WWOX: variants seen among roughly 807,000 people sequenced by gnomAD.
WWOX encodes the protein WW domain containing oxidoreductase.
Under a neutral mutation model 46.2 loss-of-function variants are expected in WWOX, and 69 were observed. That is an observed-to-expected ratio of 1.49 (90% CI 1.23 to 1.82). The LOEUF (loss-of-function observed/expected upper bound fraction) is 1.82, where lower values mean the gene tolerates loss of function less well. WWOX is among the 40% of genes most tolerant of loss of function. The probability of loss-of-function intolerance (pLI) is 0.00; values close to 1 mark genes in which losing one functional copy is unlikely to be tolerated. For synonymous variants in WWOX, 359 were observed against 202.6 expected (o/e 1.77, Z -6.56); for missense variants, 919 against 542.6 (o/e 1.69, Z -6.89).
At chr16:78,567,406 AG>A (rs2044596923) in intron 8 of WWOX, among the ~76,000 whole-genome samples, 1 of 151,282 alleles carries the variant, frequency 6.6e-6, no homozygotes, top group Admixed American at 6.6e-5. Flanking sequence ...AAAAAAAATT[AG>A]CCCGGCGTGG....
intron 8 of WWOX, among the ~76,000 whole-genome samples, chr16:78,645,108 C>T (rs144230412): frequency 6.6e-6 from 1 of 152,120 alleles, no homozygotes; most frequent in Non-Finnish European, 1.5e-5. Flanking sequence ...AAGCAATATA[C>T]AATCTAGTTA....
chr16:78,702,007 TTATATATATATATATATATATA>T lies in WWOX; in HGVS notation c.1056+269272_1056+269293del, dbSNP rs869227421. Among the ~76,000 whole-genome samples, 17 of 57,626 alleles carry T rather than the reference TTATATATATATATATATATATA, an allele frequency of 3.0e-4. 1 individual carries two copies. Among genetic ancestry groups the T allele is most frequent in the Admixed American group, 5.7e-4 (2 of 3,502 alleles). 37.8% of individuals were successfully genotyped at this position (57,626 alleles called of 152,430 possible). On this transcript the variant is annotated intron_variant, in intron 8 of 8. Transcript: ENST00000566780. ...GGAGACTAGCCTGGGCTACATAAAA[TTATATATATATATATATATATA>T]TATATATATATATATAAAATAATGC...
intron 8 of WWOX, among the ~76,000 whole-genome samples, chr16:79,056,762 C>T (rs766967554): frequency 2.6e-5 from 4 of 152,124 alleles, no homozygotes; most frequent in Non-Finnish European, 2.9e-5. Flanking sequence ...GTTTTTCTTG[C>T]TAAGTTTATG....
chr16:78,261,306 C>G (rs1458835957), intron 5 of WWOX, among the ~76,000 whole-genome samples: 2 of 150,642 alleles, frequency 1.3e-5, no homozygotes, highest in African/African-American at 4.9e-5. Flanking sequence ...TACATACATA[C>G]ATACATATAA....
At chr16:78,971,940 C>T (rs1052362853) in intron 8 of WWOX, among the ~76,000 whole-genome samples, 5 of 152,142 alleles carry the variant, frequency 3.3e-5, no homozygotes, top group Admixed American at 6.5e-5. Context: ...CCATCGGGAG[C>T]CTCAGGCGCA....
At chr16:78,528,988 G>C (rs564659927) in intron 8 of WWOX, among the ~76,000 whole-genome samples, 70 of 140,724 alleles carry the variant, frequency 5.0e-4, no homozygotes, top group African/African-American at 1.8e-3. Context: ...GGGTCTGGCT[G>C]TATTGCCCAG....
chr16:79,092,469 C>T (rs575089857), intron 8 of WWOX, among the ~76,000 whole-genome samples: 1 of 152,280 alleles, frequency 6.6e-6, no homozygotes, highest in Non-Finnish European at 1.5e-5. Context: ...ATCACCATCT[C>T]ACCACCAGGC....
intron 5 of WWOX, among the ~76,000 whole-genome samples, chr16:78,211,933 C>T (rs954268623): frequency 2.0e-5 from 3 of 152,218 alleles, no homozygotes; most frequent in Non-Finnish European, 2.9e-5. Context: ...GTTTTGGACA[C>T]TGGAGATAAT....
chr16:79,060,198 T>G (rs1597336218), intron 8 of WWOX, among the ~76,000 whole-genome samples: 1 of 152,224 alleles, frequency 6.6e-6, no homozygotes, highest in Non-Finnish European at 1.5e-5. Context: ...CTCATTTTTC[T>G]TGCTAATTTA....
At chr16:78,411,521 C>T (rs933883157) in intron 6 of WWOX, among the ~76,000 whole-genome samples, 4 of 152,210 alleles carry the variant, frequency 2.6e-5, no homozygotes, top group South Asian at 4.2e-4. Context: ...ATTCACCTGC[C>T]TGGAGCTTAA....
chr16:78,834,288 C>T (rs1219764189), intron 8 of WWOX, among the ~76,000 whole-genome samples: 1 of 152,170 alleles, frequency 6.6e-6, no homozygotes, highest in East Asian at 1.9e-4. Context: ...CCCCATTGAA[C>T]ACTGCTCTGT....
chr16:78,392,635 C>A (rs1040890795), intron 6 of WWOX, among the ~76,000 whole-genome samples: 1 of 152,100 alleles, frequency 6.6e-6, no homozygotes, highest in Non-Finnish European at 1.5e-5. Context: ...GTGATTGCAT[C>A]TCTGTGGTGT....
chr16:79,097,836 G>A lies in WWOX; in HGVS notation c.1057-113772G>A, dbSNP rs369059857. On this transcript the variant is annotated intron_variant, in intron 8 of 8. Coordinates refer to ENST00000566780, the MANE Select transcript of WWOX (RefSeq NM_016373.4). ...CCTTTTGCCCGTCGATCGCAGTTCAGATCTGTTGATTTTGACCATTGCATC... is the reference window on the plus strand; with the variant it reads ...CCTTTTGCCCGTCGATCGCAGTTCAAATCTGTTGATTTTGACCATTGCATC... 5.9e-5 allele frequency among the ~76,000 whole-genome samples: 9 copies of A among 152,184 alleles called. No homozygotes were observed. The East Asian group carries it at 1.2e-3, about 20-fold the overall frequency.
At chr16:78,733,777 C>T (rs9922567) in intron 8 of WWOX, among the ~76,000 whole-genome samples, 283 of 151,308 alleles carry the variant, frequency 1.9e-3, no homozygotes, top group African/African-American at 6.8e-3. Flanking sequence ...AATAAAATAA[C>T]TAACTAGGCT....
chr16:78,960,811 C>G (rs1460203585), intron 8 of WWOX, among the ~76,000 whole-genome samples: 3 of 152,152 alleles, frequency 2.0e-5, no homozygotes, highest in East Asian at 1.9e-4. Context: ...TCTTGTTAAA[C>G]TAGCATCCTG....
At chr16:78,381,480 G>T (rs546121152) in intron 5 of WWOX, among the ~76,000 whole-genome samples, 1 of 152,296 alleles carries the variant, frequency 6.6e-6, no homozygotes, top group African/African-American at 2.4e-5. Flanking sequence ...GGAGCAAGTG[G>T]GCTTCTGAGC....
chr16:78,966,949 G>A (rs2046373121), intron 8 of WWOX, among the ~76,000 whole-genome samples: 2 of 152,126 alleles, frequency 1.3e-5, no homozygotes, highest in South Asian at 4.2e-4. Context: ...ACATGGTAAG[G>A]GGTTCGTAAA....
chr16:78,598,329 G>T (rs546805048), intron 8 of WWOX, among the ~76,000 whole-genome samples: 2 of 152,320 alleles, frequency 1.3e-5, no homozygotes, highest in African/African-American at 2.4e-5. Flanking sequence ...TGTCTGTCAC[G>T]TGGGAGGATT....
intron 8 of WWOX, among the ~76,000 whole-genome samples, chr16:78,956,493 A>G (rs898074185): frequency 8.5e-5 from 13 of 152,258 alleles, no homozygotes; most frequent in Admixed American, 2.0e-4. Flanking sequence ...ATGACACATC[A>G]TCATCACCTA....
Sources: gnomAD v4.1 joint callset for allele counts (sites outside exome capture counted in the v4.1 genomes callset) on GRCh38, gnomAD v4.1.1 for gene constraint, MANE v1.5 for transcripts, NCBI Gene and HGNC (gene_info 2026-07-23, HGNC 2026-07-21) for gene names.